DIP2C: variants seen among roughly 807,000 people sequenced by gnomAD.
DIP2C encodes disco-interacting protein 2 homolog C.
DIP2C carries 33 observed loss-of-function variants against 192.4 expected under a neutral mutation model. The observed-to-expected ratio is 0.17, with a 90% CI of 0.13 to 0.23. DIP2C has a LOEUF of 0.23. Among genes scored for constraint, DIP2C ranks in the 10% least tolerant of loss-of-function variants. The pLI is 1.00. For synonymous variants in DIP2C, 979 were observed against 864.1 expected (o/e 1.13, Z -2.33); for missense variants, 1,537 against 2,110.1 (o/e 0.73, Z 5.32).
chr10:442,061 GAC>G (rs1256392641), intron 3 of DIP2C, among the ~76,000 whole-genome samples: 1 of 151,128 alleles, frequency 6.6e-6, no homozygotes, highest in African/African-American at 2.4e-5. Flanking sequence ...GAATCTTCGA[GAC>G]ACAGGCAAAA....
At chr10:344,094 G>T (rs1187063780) in intron 28 of DIP2C, among the ~76,000 whole-genome samples, 1 of 152,190 alleles carries the variant, frequency 6.6e-6, no homozygotes, top group African/African-American at 2.4e-5. Flanking sequence ...GACTATAAGC[G>T]GGCCATGAAA....
At chr10:428,543 C>A (rs559326094) in intron 4 of DIP2C, among the ~76,000 whole-genome samples, 1 of 152,260 alleles carries the variant, frequency 6.6e-6, no homozygotes, top group East Asian at 1.9e-4. Context: ...TGGAGTGTAA[C>A]GTGTCTTTTT....
At chr10:524,609 C>T (rs1474315894) in intron 1 of DIP2C, among the ~76,000 whole-genome samples, 5 of 152,118 alleles carry the variant, frequency 3.3e-5, no homozygotes, top group African/African-American at 4.8e-5. Flanking sequence ...TATACAAAGA[C>T]ATAACATCTT....
intron 32 of DIP2C, among the ~76,000 whole-genome samples, chr10:309,739 C>G (rs916389485): frequency 6.6e-6 from 1 of 151,942 alleles, no homozygotes; most frequent in Non-Finnish European, 1.5e-5. Context: ...TTAGTGGAGA[C>G]GGGGCTTTAC....
chr10:388,699 T>G (rs1210237793), intron 13 of DIP2C, among the ~76,000 whole-genome samples: 3 of 152,208 alleles, frequency 2.0e-5, no homozygotes, highest in Non-Finnish European at 4.4e-5. Context: ...ACACACACGC[T>G]GTTTTTAAAA....
chr10:347,856 ACGCGTCGCG>A (rs1185176426), intron 26 of DIP2C, among the ~76,000 whole-genome samples: 3 of 106,394 alleles, frequency 2.8e-5, no homozygotes, highest in Admixed American at 9.6e-5. Context: ...ACGCACCCAG[ACGCGTCGCG>A]CATAGCTCTC....
At chr10:325,668 G>A (rs1957240873) in intron 31 of DIP2C, among the ~76,000 whole-genome samples, 1 of 152,180 alleles carries the variant, frequency 6.6e-6, no homozygotes, top group Non-Finnish European at 1.5e-5. Context: ...AACAGAAAAA[G>A]GTGAATAGGC....
intron 32 of DIP2C, among the ~76,000 whole-genome samples, chr10:294,135 G>C (rs1707020439): frequency 6.6e-6 from 1 of 152,132 alleles, no homozygotes; most frequent in African/African-American, 2.4e-5. Flanking sequence ...AGAGAGCTCT[G>C]TGTTTTCTTC....
intron 3 of DIP2C, among the ~76,000 whole-genome samples, chr10:460,036 G>A (rs1029207077): frequency 1.3e-5 from 2 of 150,208 alleles, no homozygotes; most frequent in Admixed American, 6.7e-5. Flanking sequence ...AGGGAACCGC[G>A]TGCTGCACAT....
At chr10:308,162 T>G (rs1956412982) in intron 32 of DIP2C, among the ~76,000 whole-genome samples, 1 of 152,240 alleles carries the variant, frequency 6.6e-6, no homozygotes, top group Non-Finnish European at 1.5e-5. Context: ...TTTGCTTTCC[T>G]TCTTTGTATG....
chr10:396,172 T>C (rs1325081870), intron 10 of DIP2C, among the ~76,000 whole-genome samples: 1 of 152,264 alleles, frequency 6.6e-6, no homozygotes, highest in Non-Finnish European at 1.5e-5. Context: ...ATGTCTCTAC[T>C]ACCATTCAAA....
chr10:338,245 G>A (rs1005722582), intron 29 of DIP2C, among the ~76,000 whole-genome samples: 2 of 152,162 alleles, frequency 1.3e-5, no homozygotes, highest in South Asian at 2.1e-4. Flanking sequence ...TATTACTGAA[G>A]AACTAAAAAT....
Position 689,546 on chromosome 10 carries a change from C to A in DIP2C, c.33G>T (p.Leu11=). MADRSLEGMA[L]PLEVRARLAE... Reference sequence around the variant, plus strand: ...CCAGGCGCGCCCGCACCTCCAGGGGCAGCGCCATGCCCTCCAGGCTGCGGT... The same window carrying A: ...CCAGGCGCGCCCGCACCTCCAGGGGAAGCGCCATGCCCTCCAGGCTGCGGT... The change falls in exon 1 of 37, where the codon CTG becomes CTT. Residue 11 remains leucine (L), a synonymous_variant. Coordinates refer to ENST00000280886, the MANE Select transcript of DIP2C (RefSeq NM_014974.3). The surrounding 1 kb of genome is among the most constrained non-coding windows in gnomAD (Gnocchi z 6.1). 1 of 1,288,900 alleles carries A rather than the reference C, an allele frequency of 7.8e-7. No individual in the cohort carries two copies. Among genetic ancestry groups the A allele is most frequent in the Non-Finnish European group, 1.0e-6 (1 of 1,000,668 alleles). The allele number at this position is 1,288,900 out of a possible 1,614,324, so 79.8% of individuals were successfully genotyped here.
At chr10:580,666 CAT>C (rs1203957521) in intron 1 of DIP2C, among the ~76,000 whole-genome samples, 4 of 152,176 alleles carry the variant, frequency 2.6e-5, no homozygotes, top group African/African-American at 7.2e-5. Context: ...GTATAGTACA[CAT>C]ATACCGAGAC....
At chr10:325,602 A>G (rs1349085932) in intron 31 of DIP2C, among the ~76,000 whole-genome samples, 2 of 152,252 alleles carry the variant, frequency 1.3e-5, no homozygotes, top group African/African-American at 4.8e-5. Flanking sequence ...TAAGAAGCAG[A>G]CTTCTGCATT....
chr10:382,876 C>T lies in DIP2C; in HGVS notation c.1877-115G>A, dbSNP rs142448956. 485 of 581,546 alleles carry T rather than the reference C, an allele frequency of 8.3e-4. 1 individual carries two copies. The African/African-American group carries it at 8.4e-3, about 10-fold the overall frequency. The allele number at this position is 581,546 out of a possible 1,614,324, so 36.0% of individuals were successfully genotyped here. On this transcript the variant is annotated intron_variant, in intron 16 of 36. Transcript: ENST00000280886. ...TTCAGGCACAAGTGGATCTAGGCAG[C>T]GTGGAAAAATATTTAATACAATTTA...
intron 31 of DIP2C, among the ~76,000 whole-genome samples, chr10:321,214 C>A (rs3132013): frequency 1.8e-4 from 27 of 152,082 alleles, no homozygotes; most frequent in African/African-American, 5.8e-4. Flanking sequence ...CTTGTCCAGG[C>A]GCCAAGTCAG....
intron 1 of DIP2C, among the ~76,000 whole-genome samples, chr10:500,105 C>T (rs951026224): frequency 6.6e-6 from 1 of 152,256 alleles, no homozygotes; most frequent in Non-Finnish European, 1.5e-5. Context: ...CAAGCCTTCA[C>T]AGCAGATGTG....
intron 3 of DIP2C, among the ~76,000 whole-genome samples, chr10:465,548 C>T (rs1157118373): frequency 1.3e-5 from 2 of 152,042 alleles, no homozygotes; most frequent in Non-Finnish European, 2.9e-5. Context: ...GGCAATCAGG[C>T]AGGAGAAGGA....
Sources: allele counts gnomAD v4.1 joint callset (sites outside exome capture counted in the v4.1 genomes callset), GRCh38; gene constraint gnomAD v4.1.1; non-coding constraint Gnocchi (gnomAD v3.1); transcripts MANE v1.5; gene names NCBI Gene and HGNC (gene_info 2026-07-23, HGNC 2026-07-21).